Variants in SERGEF observed in about 807,000 individuals in gnomAD.
The protein encoded by SERGEF is secretion regulating guanine nucleotide exchange factor, also known as secretion-regulating guanine nucleotide exchange factor.
Under a neutral mutation model 50.0 loss-of-function variants are expected in SERGEF, and 51 were observed. The ratio of observed to expected loss-of-function variants is 1.02; its 90% CI spans 0.81 to 1.29. SERGEF has a LOEUF of 1.29. Among genes scored for constraint, SERGEF ranks in the 50% most tolerant of loss-of-function variants. The probability of loss-of-function intolerance (pLI) is 0.00; values close to 1 mark genes in which losing one functional copy is unlikely to be tolerated. For synonymous variants in SERGEF, 205 were observed against 212.4 expected, an observed-to-expected ratio of 0.97 and a Z score of 0.30; for missense variants, 521 against 557.0, an observed-to-expected ratio of 0.94 and a Z score of 0.65.
intron 8 of SERGEF, among the ~76,000 whole-genome samples, chr11:17,964,718 G>T (rs1376767791): frequency 6.6e-6 from 1 of 152,136 alleles, no homozygotes; most frequent in African/African-American, 2.4e-5. Context: ...TCTACCTATA[G>T]GTTTGTTATA....
intron 10 of SERGEF, among the ~76,000 whole-genome samples, chr11:17,817,219 T>G (rs1279161044): frequency 6.6e-6 from 1 of 151,774 alleles, no homozygotes; most frequent in Non-Finnish European, 1.5e-5. Context: ...ATGTATTTTT[T>G]TTTTTTTTTT....
rs150086214 is a variant in SERGEF at position 17,844,922 on chromosome 11, C to CAA, written c.1048+33284_1048+33285dup. 3.5e-3 allele frequency among the ~76,000 whole-genome samples: 508 copies of CAA among 147,218 alleles called. 4 individuals are homozygous for CAA. Among genetic ancestry groups the CAA allele is most frequent in the African/African-American group, 7.1e-3 (278 of 39,362 alleles). ...TTAAAAAAAAACAAAACAAAACAAA[C>CAA]AAACAAAAAAAACAGAACAAAAAAC... On this transcript the variant is annotated intron_variant, in intron 10 of 10. Coordinates refer to ENST00000265965, the MANE Select transcript of SERGEF (RefSeq NM_012139.4).
At position 17,995,895 on chromosome 11, in the gene SERGEF, ACACGATGC is replaced by A; in HGVS notation, c.515_522del (p.Gly172ValfsTer39). On this transcript the variant is annotated frameshift_variant, in exon 6 of 11. Coordinates refer to ENST00000265965, the MANE Select transcript of SERGEF (RefSeq NM_012139.4). LOFTEE classifies it high-confidence loss of function. ...GATGCCAAACCAGTCCCCCACTGGAACACGATGCCACTCGCTTCCCAACAGAATGGAAG... is the reference window on the plus strand; with the variant it reads ...GATGCCAAACCAGTCCCCCACTGGAACACTCGCTTCCCAACAGAATGGAAG... 6.2e-7 allele frequency: 1 copy of A among 1,613,074 alleles called. No homozygotes were observed. Among genetic ancestry groups the A allele is most frequent in the Non-Finnish European group, 8.5e-7 (1 of 1,179,118 alleles).
chr11:17,859,402 G>A lies in SERGEF; in HGVS notation c.1048+18806C>T, dbSNP rs188182429. Among the ~76,000 whole-genome samples the A allele has an allele frequency of 2.3e-3, 349 of 151,980 alleles. 3 individuals are homozygous for A. The highest frequency in any genetic ancestry group is 7.6e-3 in the African/African-American group (314 of 41,498). On this transcript the variant is annotated intron_variant, in intron 10 of 10. Coordinates refer to ENST00000265965, the MANE Select transcript of SERGEF (RefSeq NM_012139.4). Reference sequence around the variant, plus strand: ...AAAAAATTTTCTCACAAAGTGGTAAGAAAAGTAAAAACATGCCCAAGAGGA... The same window carrying A: ...AAAAAATTTTCTCACAAAGTGGTAAAAAAAGTAAAAACATGCCCAAGAGGA...
At chr11:17,907,463 C>T (rs150076625) in intron 9 of SERGEF, among the ~76,000 whole-genome samples, 88 of 152,340 alleles carry the variant, frequency 5.8e-4, no homozygotes, top group Non-Finnish European at 3.8e-4. Flanking sequence ...CTACAATGGG[C>T]TTTCTCTTCT....
At chr11:17,805,159 G>GCCACA (rs1849734905) in intron 10 of SERGEF, among the ~76,000 whole-genome samples, 2 of 152,162 alleles carry the variant, frequency 1.3e-5, no homozygotes, top group Non-Finnish European at 2.9e-5. Context: ...ACAGCCACAT[G>GCCACA]GCTCCATGGC....
At chr11:17,836,445 T>C (rs982653785) in intron 10 of SERGEF, among the ~76,000 whole-genome samples, 5 of 152,200 alleles carry the variant, frequency 3.3e-5, no homozygotes, top group Non-Finnish European at 7.4e-5. Context: ...CCAGACTCAG[T>C]AGAAAATGGG....
intron 9 of SERGEF, among the ~76,000 whole-genome samples, chr11:17,883,122 G>A (rs1340749176): frequency 6.6e-6 from 1 of 152,060 alleles, no homozygotes; most frequent in Non-Finnish European, 1.5e-5. Flanking sequence ...AACAAATTCC[G>A]AAACCCCAAT....
intron 9 of SERGEF, among the ~76,000 whole-genome samples, chr11:17,883,005 G>A (rs564986392): frequency 3.3e-5 from 5 of 152,222 alleles, no homozygotes; most frequent in Non-Finnish European, 7.3e-5. Context: ...GGTAAGGGGT[G>A]AGAAGCAAAG....
intron 10 of SERGEF, among the ~76,000 whole-genome samples, chr11:17,805,564 T>C (rs1343314102): frequency 3.9e-5 from 6 of 152,142 alleles, no homozygotes; most frequent in African/African-American, 1.4e-4. Context: ...GGAAGAGAGG[T>C]GGCTCATTTC....
chr11:17,907,157 T>G (rs1851861861), intron 9 of SERGEF, among the ~76,000 whole-genome samples: 1 of 105,996 alleles, frequency 9.4e-6, no homozygotes, highest in African/African-American at 4.3e-5. Context: ...CTGTCAAACT[T>G]ATGACCAAAA....
intron 9 of SERGEF, among the ~76,000 whole-genome samples, chr11:17,912,485 A>G (rs979350589): frequency 1.3e-5 from 2 of 152,226 alleles, no homozygotes; most frequent in East Asian, 1.9e-4. Flanking sequence ...TGAAGCGTAT[A>G]TAGGATCATC....
chr11:17,805,536 C>T (rs1302141462), intron 10 of SERGEF, among the ~76,000 whole-genome samples: 1 of 152,214 alleles, frequency 6.6e-6, no homozygotes, highest in East Asian at 1.9e-4. Context: ...GCAAGAAGGT[C>T]AGAGAATAAG....
chr11:17,800,773 T>G (rs761367155), intron 10 of SERGEF, among the ~76,000 whole-genome samples: 6 of 152,056 alleles, frequency 3.9e-5, no homozygotes, highest in Non-Finnish European at 7.4e-5. Flanking sequence ...TGGGAAGAAC[T>G]TGGCAGGCAG....
chr11:17,988,965 C>G (rs1463903284), intron 7 of SERGEF, among the ~76,000 whole-genome samples: 1 of 152,106 alleles, frequency 6.6e-6, no homozygotes, highest in Non-Finnish European at 1.5e-5. Flanking sequence ...AAAAACAAGG[C>G]CAAATGTTCT....
At chr11:17,816,767 C>A (rs567931791) in intron 10 of SERGEF, among the ~76,000 whole-genome samples, 1 of 152,260 alleles carries the variant, frequency 6.6e-6, no homozygotes, top group African/African-American at 2.4e-5. Flanking sequence ...GAGACAAGAT[C>A]CAGAATCAGC....
chr11:17,864,540 T>C (rs1850987119), intron 10 of SERGEF, among the ~76,000 whole-genome samples: 1 of 152,208 alleles, frequency 6.6e-6, no homozygotes, highest in Non-Finnish European at 1.5e-5. Flanking sequence ...TTGTGAAACA[T>C]CTTTCTTAAA....
intron 9 of SERGEF, among the ~76,000 whole-genome samples, chr11:17,889,040 T>C (rs1184420458): frequency 1.3e-5 from 2 of 152,060 alleles, no homozygotes; most frequent in African/African-American, 2.4e-5. Context: ...TACTGAGCAA[T>C]AGATAGATAG....
At chr11:17,956,766 C>A (rs1193282334) in intron 9 of SERGEF, among the ~76,000 whole-genome samples, 1 of 152,116 alleles carries the variant, frequency 6.6e-6, no homozygotes, top group African/African-American at 2.4e-5. Context: ...CAGCTATGTG[C>A]CACACTCAGG....
Sources: gnomAD v4.1 joint callset for allele counts (sites outside exome capture counted in the v4.1 genomes callset) on GRCh38, gnomAD v4.1.1 for gene constraint, MANE v1.5 for transcripts, NCBI Gene and HGNC (gene_info 2026-07-23, HGNC 2026-07-21) for gene names.